Variants in DPYSL2 observed in about 807,000 individuals in gnomAD.
DPYSL2 encodes dihydropyrimidinase-related protein 2.
In DPYSL2, 13 loss-of-function variants were observed where a neutral mutation model predicts 69.9. The ratio of observed to expected loss-of-function variants is 0.19; its 90% CI spans 0.12 to 0.30. The LOEUF (loss-of-function observed/expected upper bound fraction) is 0.30, where lower values mean the gene tolerates loss of function less well. Among genes scored for constraint, DPYSL2 ranks in the 10% least tolerant of loss-of-function variants. The pLI, the probability that DPYSL2 is intolerant of heterozygous loss-of-function variation, is 1.00. For missense variants in DPYSL2, 587 were observed against 918.9 expected (o/e 0.64, Z 4.67); for synonymous variants, 326 against 359.1 (o/e 0.91, Z 1.04).
chr8:26,639,628 T>C (rs1332476730), intron 8 of DPYSL2, among the ~76,000 whole-genome samples: 9 of 152,150 alleles, frequency 5.9e-5, no homozygotes, highest in African/African-American at 2.2e-4. Context: ...TCTTCTTTTT[T>C]CCCCCACTTT....
chr8:26,544,022 T>G (rs1585499264), intron 1 of DPYSL2, among the ~76,000 whole-genome samples: 1 of 146,878 alleles, frequency 6.8e-6, no homozygotes, highest in Middle Eastern at 3.6e-3. Context: ...TGGACAGATA[T>G]AAGCATCTAT....
chr8:26,645,613 G>A (rs990521840), intron 10 of DPYSL2, among the ~76,000 whole-genome samples: 2 of 152,038 alleles, frequency 1.3e-5, no homozygotes, highest in African/African-American at 2.4e-5. Context: ...GCAGTGGTGC[G>A]ATCTCAGCTC....
intron 1 of DPYSL2, among the ~76,000 whole-genome samples, chr8:26,531,120 C>T (rs1217587317): frequency 1.3e-5 from 2 of 150,664 alleles, no homozygotes; most frequent in Non-Finnish European, 2.9e-5. Context: ...AGCACCTCTC[C>T]AAAACCCCCA....
At chr8:26,594,864 C>A (rs1203222354) in intron 3 of DPYSL2, among the ~76,000 whole-genome samples, 1 of 152,068 alleles carries the variant, frequency 6.6e-6, no homozygotes, top group African/African-American at 2.4e-5. Context: ...TTGAACATAG[C>A]AGGAAAAACA....
rs1803261014 is a variant in DPYSL2, at chr8:26,650,589, G to A, written c.1597-1668G>A. On this transcript the variant is annotated intron_variant, in intron 11 of 13. Coordinates refer to ENST00000521913, the MANE Select transcript of DPYSL2 (RefSeq NM_001197293.3). This position sits in a 1 kb window ranked among gnomAD's most constrained non-coding sequence, Gnocchi z 5.3. ...TTCTGGATTTTACCGTATCTGAGATGCCATCGATTTTAAGATATTCCATTA... is the reference window on the plus strand; with the variant it reads ...TTCTGGATTTTACCGTATCTGAGATACCATCGATTTTAAGATATTCCATTA... 6.6e-6 allele frequency among the ~76,000 whole-genome samples: 1 copy of A among 152,202 alleles called. No individual in the cohort carries two copies. Among genetic ancestry groups the A allele is most frequent in the African/African-American group, 2.4e-5 (1 of 41,442 alleles).
At chr8:26,630,635 A>G (rs1802748858) in intron 7 of DPYSL2, among the ~76,000 whole-genome samples, 1 of 152,152 alleles carries the variant, frequency 6.6e-6, no homozygotes, top group Admixed American at 6.5e-5. Flanking sequence ...TGCAGGCTGC[A>G]TGGCTGTATT....
At chr8:26,633,101 G>A (rs1342845190) in intron 7 of DPYSL2, among the ~76,000 whole-genome samples, 1 of 152,214 alleles carries the variant, frequency 6.6e-6, no homozygotes, top group Non-Finnish European at 1.5e-5. Context: ...ACAGTGTTCT[G>A]TGGAGCAGCC....
At chr8:26,601,684 T>A (rs111666606) in intron 3 of DPYSL2, among the ~76,000 whole-genome samples, 2,826 of 152,288 alleles carry the variant, frequency 0.019, 77 homozygotes, top group African/African-American at 0.063. Flanking sequence ...GGCCCTCTCT[T>A]ATAGGAACTT....
chr8:26,518,183 G>C (rs1035633752), intron 1 of DPYSL2, among the ~76,000 whole-genome samples: 1 of 152,166 alleles, frequency 6.6e-6, no homozygotes, highest in Non-Finnish European at 1.5e-5. Flanking sequence ...TAAACAAAAC[G>C]AATGTGTGGT....
At chr8:26,599,653 A>T (rs1801948958) in intron 3 of DPYSL2, among the ~76,000 whole-genome samples, 1 of 149,606 alleles carries the variant, frequency 6.7e-6, no homozygotes, top group Non-Finnish European at 1.5e-5. Flanking sequence ...GAGTATACTG[A>T]CTCTAAAAAT....
At chr8:26,646,763 G>A (rs1171566106) in intron 10 of DPYSL2, among the ~76,000 whole-genome samples, 1 of 152,030 alleles carries the variant, frequency 6.6e-6, no homozygotes, top group Non-Finnish European at 1.5e-5. Context: ...GAGCGAGGTG[G>A]GAGGGTTGCT....
intron 1 of DPYSL2, among the ~76,000 whole-genome samples, chr8:26,567,757 G>A (rs941140968): frequency 2.0e-5 from 3 of 152,210 alleles, no homozygotes; most frequent in South Asian, 2.1e-4. Context: ...CAAACAGCCC[G>A]GCACGCACAG....
At chr8:26,540,597 A>C (rs758545520) in intron 1 of DPYSL2, among the ~76,000 whole-genome samples, 68 of 152,178 alleles carry the variant, frequency 4.5e-4, no homozygotes, top group Non-Finnish European at 8.4e-4. Flanking sequence ...TGTAAGTTGA[A>C]CATATTGTAA....
At chr8:26,566,176 C>T (rs1024945624) in intron 1 of DPYSL2, among the ~76,000 whole-genome samples, 3 of 152,138 alleles carry the variant, frequency 2.0e-5, no homozygotes, top group African/African-American at 7.2e-5. Flanking sequence ...CTGCAAGCTG[C>T]TGAGAAAGTG....
At chr8:26,618,998 A>C (rs73226185) in intron 3 of DPYSL2, among the ~76,000 whole-genome samples, 10,173 of 152,124 alleles carry the variant, frequency 0.067, 394 homozygotes, top group African/African-American at 0.093. Flanking sequence ...TGGAGGTTCC[A>C]AAAGGCTAAA....
chr8:26,518,715 A>G (rs1170960743), intron 1 of DPYSL2, among the ~76,000 whole-genome samples: 1 of 152,154 alleles, frequency 6.6e-6, no homozygotes, highest in East Asian at 1.9e-4. Context: ...GTTCTTTGCG[A>G]CTGGCTTACT....
At chr8:26,541,228 C>T (rs1460167512) in intron 1 of DPYSL2, among the ~76,000 whole-genome samples, 1 of 152,288 alleles carries the variant, frequency 6.6e-6, no homozygotes, top group East Asian at 1.9e-4. Context: ...ACTTCGCAGA[C>T]TAGGAGACAG....
intron 7 of DPYSL2, 29 bp from the exon 8 acceptor site, chr8:26,634,751 C>A: frequency 6.2e-7 from 1 of 1,613,622 alleles, no homozygotes; most frequent in South Asian, 1.1e-5. Context: ...GGCTGAGCCA[C>A]ATTCTCATGC....
chr8:26,652,311 G>T lies in DPYSL2; in HGVS notation c.1651G>T (p.Val551Phe). 6.2e-7 allele frequency: 1 copy of T among 1,614,190 alleles called. No homozygotes were observed. Among genetic ancestry groups the T allele is most frequent in the Non-Finnish European group, 8.5e-7 (1 of 1,180,042 alleles). Residue 551 changes from valine (V) to phenylalanine (F), a missense_variant, in exon 12 of 14, where the codon GTC (valine) becomes TTC (phenylalanine). By Grantham distance (50) the Val-to-Phe change is conservative (BLOSUM62 -1). Transcript: ENST00000521913. The surrounding 1 kb of genome is among the most constrained non-coding windows in gnomAD (Gnocchi z 6.3). ...GMECRGSPLV[V>F]ISQGKIVLED... ...GGAGTGCCGCGGCTCCCCACTGGTG[G>T]TCATCAGCCAGGGGAAGATTGTCCT...
Sources: allele counts gnomAD v4.1 joint callset (sites outside exome capture counted in the v4.1 genomes callset), GRCh38; gene constraint gnomAD v4.1.1; non-coding constraint Gnocchi (gnomAD v3.1); transcripts MANE v1.5; gene names NCBI Gene and HGNC (gene_info 2026-07-23, HGNC 2026-07-21).